Variants in MSI2 observed in about 807,000 individuals in gnomAD.
The protein encoded by MSI2 is RNA-binding protein Musashi homolog 2.
In MSI2, 17 loss-of-function variants were observed where a neutral mutation model predicts 45.6. The ratio of observed to expected loss-of-function variants is 0.37; its 90% confidence interval spans 0.26 to 0.56. The LOEUF (loss-of-function observed/expected upper bound fraction) is 0.56, where lower values mean the gene tolerates loss of function less well. Among genes scored for constraint, MSI2 ranks in the 20% least tolerant of loss-of-function variants. MSI2 has a pLI of 0.77. For missense variants in MSI2, 293 were observed against 444.2 expected (o/e 0.66, Z 3.06); for synonymous variants, 156 against 158.2 (o/e 0.99, Z 0.11).
At chr17:57,507,073 C>G (rs2143910937) in intron 6 of MSI2, among the ~76,000 whole-genome samples, 1 of 151,980 alleles carries the variant, frequency 6.6e-6, no homozygotes. Context: ...TGGTATGAAG[C>G]TATAAAAAAC....
At chr17:57,579,977 A>G (rs1177086782) in intron 7 of MSI2, among the ~76,000 whole-genome samples, 1 of 152,084 alleles carries the variant, frequency 6.6e-6, no homozygotes, top group Non-Finnish European at 1.5e-5. Context: ...ATAGTCCACA[A>G]ATAATAACCC....
At chr17:57,659,242 T>G (rs1454126616) in intron 11 of MSI2, among the ~76,000 whole-genome samples, 8 of 151,544 alleles carry the variant, frequency 5.3e-5, no homozygotes, top group Admixed American at 2.6e-4. Flanking sequence ...TTTTGTGTGT[T>G]TTTTGTTTTT....
chr17:57,339,285 G>A (rs931582062), intron 5 of MSI2, among the ~76,000 whole-genome samples: 15 of 152,140 alleles, frequency 9.9e-5, no homozygotes, highest in East Asian at 1.9e-4. Flanking sequence ...TTAGATCATC[G>A]TCTCACGGAT....
chr17:57,405,572 T>C (rs1210033150), intron 6 of MSI2, among the ~76,000 whole-genome samples: 21 of 152,234 alleles, frequency 1.4e-4, no homozygotes, highest in Non-Finnish European at 1.5e-5. Flanking sequence ...TAATCAGCAG[T>C]CTAAACCATG....
In MSI2 at chr17:57,616,097, A is replaced by G; in HGVS notation, c.652+13A>G. 6.2e-7 allele frequency: 1 copy of G among 1,606,294 alleles called. No homozygotes were observed. The highest frequency in any genetic ancestry group is 8.5e-7 in the Non-Finnish European group (1 of 1,173,714). ...ATGGGGATGCTGGGTGAGTCTGGACAGGACCGCAGGTCACCATGGACTGGG... is the reference window on the plus strand; with the variant it reads ...ATGGGGATGCTGGGTGAGTCTGGACGGGACCGCAGGTCACCATGGACTGGG... On this transcript the variant is annotated intron_variant, in intron 9 of 13. Transcript: ENST00000284073.
rs1322023054 is a variant in MSI2 at position 57,684,272 on chromosome 17, G to A, written c.*4755G>A. ...CCGTTCATGGTGTATTGTAAACTCCGAATTCCATATGTAATAGGATGCAAG... is the reference window on the plus strand; with the variant it reads ...CCGTTCATGGTGTATTGTAAACTCCAAATTCCATATGTAATAGGATGCAAG... On this transcript the variant is annotated 3_prime_UTR_variant, in exon 14 of 14. Coordinates refer to ENST00000284073, the MANE Select transcript of MSI2 (RefSeq NM_138962.4). 2.0e-5 allele frequency: 4 copies of A among 203,808 alleles called. No individual in the cohort carries two copies. The highest frequency in any genetic ancestry group is 3.0e-5 in the Non-Finnish European group (3 of 99,388). The allele number at this position is 203,808 out of a possible 1,614,324, so 12.6% of individuals were successfully genotyped here.
chr17:57,682,237 T>C lies in MSI2; in HGVS notation c.*2720T>C, dbSNP rs1406261235. 3.1e-5 allele frequency: 6 copies of C among 193,590 alleles called. No individual in the cohort carries two copies. The East Asian group carries it at 4.9e-4, about 16-fold the overall frequency. 12.0% of individuals were successfully genotyped at this position (193,590 alleles called of 1,614,324 possible). A position where few individuals can be genotyped will look rare whatever the true frequency, so the allele number is the denominator to read the frequency against. ...TTTCAATTTCAAGTTTAATTTTATT[T>C]TAGCTGATCTGATGTGGTTTCAACT... On this transcript the variant is annotated 3_prime_UTR_variant, in exon 14 of 14. Transcript: ENST00000284073.
At chr17:57,688,553 C>T (rs1913926182), downstream of MSI2, among the ~76,000 whole-genome samples, 1 of 152,036 alleles carries the variant, frequency 6.6e-6, no homozygotes, top group Admixed American at 6.5e-5. Context: ...ACCCCAGAAT[C>T]TAACAAGTGG....
intron 9 of MSI2, among the ~76,000 whole-genome samples, chr17:57,623,256 C>T (rs1567943001): frequency 6.6e-6 from 1 of 152,166 alleles, no homozygotes; most frequent in Non-Finnish European, 1.5e-5. Context: ...ATATGTCACA[C>T]TCTGGCAGTT....
chr17:57,359,958 C>T (rs1271027265), intron 5 of MSI2, among the ~76,000 whole-genome samples: 3 of 152,200 alleles, frequency 2.0e-5, no homozygotes, highest in Admixed American at 6.5e-5. Flanking sequence ...ACTCAGGGAG[C>T]CTGGCCCTCC....
chr17:57,452,156 G>T (rs1297857927), intron 6 of MSI2, among the ~76,000 whole-genome samples: 2 of 152,190 alleles, frequency 1.3e-5, no homozygotes, highest in Non-Finnish European at 2.9e-5. Flanking sequence ...AACCAGTTTG[G>T]CCGGCTTCCC....
chr17:57,306,983 G>A (rs770789087), intron 5 of MSI2, among the ~76,000 whole-genome samples: 13 of 152,266 alleles, frequency 8.5e-5, no homozygotes, highest in Middle Eastern at 3.4e-3. Flanking sequence ...TTAACTAGGG[G>A]GTCCCCAGTT....
intron 5 of MSI2, among the ~76,000 whole-genome samples, chr17:57,272,241 G>A (rs760649599): frequency 3.9e-5 from 6 of 152,206 alleles, no homozygotes; most frequent in East Asian, 1.9e-4. Context: ...TAAAGAGGCC[G>A]TGAATGTTGA....
intron 6 of MSI2, among the ~76,000 whole-genome samples, chr17:57,454,408 T>G (rs1042506091): frequency 1.3e-5 from 2 of 151,622 alleles, no homozygotes; most frequent in Non-Finnish European, 2.9e-5. Flanking sequence ...CTTCCTTCTT[T>G]CCTCTCTCTC....
In MSI2 at chr17:57,582,079, G is replaced by A. The variant is rs146544509; in HGVS notation, c.455-14789G>A. The stretch of plus-strand genomic sequence containing the variant: ...TGAAATTGGCTGATTCTTGACTCCC[G>A]TGAATTTCTCATGCAAAGATCCCTT... On this transcript the variant is annotated intron_variant, in intron 7 of 13. Coordinates refer to ENST00000284073, the MANE Select transcript of MSI2 (RefSeq NM_138962.4). Among the ~76,000 whole-genome samples the A allele has an allele frequency of 2.5e-4, 38 of 152,256 alleles. 1 individual carries two copies. The East Asian group carries it at 6.8e-3, about 27-fold the overall frequency.
chr17:57,636,178 G>A (rs979102383), intron 10 of MSI2, among the ~76,000 whole-genome samples: 3 of 152,096 alleles, frequency 2.0e-5, no homozygotes, highest in African/African-American at 7.2e-5. Flanking sequence ...TGAGGGGTAG[G>A]GCTTGGATGT....
At chr17:57,470,428 C>T (rs1357084745) in intron 6 of MSI2, among the ~76,000 whole-genome samples, 2 of 152,164 alleles carry the variant, frequency 1.3e-5, no homozygotes, top group Admixed American at 1.3e-4. Context: ...CAGGCATGCA[C>T]CACCATGCCT....
the MSI2 span, among the ~76,000 whole-genome samples, chr17:57,694,277 CA>C: frequency 1.4e-4 from 21 of 152,204 alleles, no homozygotes; most frequent in African/African-American, 5.1e-4. Flanking sequence ...AGTGCACCAC[CA>C]GCTTTAAATT....
intron 10 of MSI2, among the ~76,000 whole-genome samples, chr17:57,648,243 A>G (rs2144674571): frequency 6.6e-6 from 1 of 151,152 alleles, no homozygotes; most frequent in East Asian, 1.9e-4. Flanking sequence ...ACCTCAAGTT[A>G]TCGGCCCACC....
Sources: gnomAD v4.1 joint callset for allele counts (sites outside exome capture counted in the v4.1 genomes callset) on GRCh38, gnomAD v4.1.1 for gene constraint, MANE v1.5 for transcripts, NCBI Gene and HGNC (gene_info 2026-07-23, HGNC 2026-07-21) for gene names.